Variants in CDH18 observed in about 807,000 individuals in gnomAD.
The protein encoded by CDH18 is cadherin-18.
A neutral mutation model predicts 67.9 loss-of-function variants in CDH18; 31 were observed. The observed-to-expected ratio is 0.46, with a 90% CI of 0.34 to 0.62. The LOEUF is 0.62. Among genes scored for constraint, CDH18 ranks in the 20% least tolerant of loss-of-function variants. The pLI, the probability that CDH18 is intolerant of heterozygous loss-of-function variation, is 0.01. For missense variants in CDH18, 890 were observed against 975.5 expected (o/e 0.91, Z 1.17); for synonymous variants, 362 against 347.2 (o/e 1.04, Z -0.48).
intron 9 of CDH18, among the ~76,000 whole-genome samples, chr5:19,522,484 G>C (rs781239448): frequency 7.2e-5 from 11 of 152,028 alleles, no homozygotes; most frequent in Non-Finnish European, 1.5e-4. Flanking sequence ...CCAGATTGAT[G>C]GTATTTCCAA....
chr5:20,193,996 C>T (rs1738756098), intron 2 of CDH18, among the ~76,000 whole-genome samples: 2 of 152,046 alleles, frequency 1.3e-5, no homozygotes, highest in Non-Finnish European at 2.9e-5. Flanking sequence ...CAATATCATA[C>T]TGAATGAGCA....
chr5:19,867,757 A>G (rs1785726431), intron 2 of CDH18, among the ~76,000 whole-genome samples: 1 of 152,238 alleles, frequency 6.6e-6, no homozygotes, highest in Non-Finnish European at 1.5e-5. Flanking sequence ...GTTTCTAAAT[A>G]CACATTTTGG....
chr5:20,197,771 T>C (rs967217845), intron 2 of CDH18, among the ~76,000 whole-genome samples: 1 of 152,174 alleles, frequency 6.6e-6, no homozygotes, highest in Non-Finnish European at 1.5e-5. Context: ...ACATGTACCA[T>C]TAGAAAAACA....
intron 1 of CDH18, among the ~76,000 whole-genome samples, chr5:20,573,587 GAATACAATTATTAAAAGCAAT>G (rs931137729): frequency 4.0e-5 from 6 of 150,580 alleles, no homozygotes; most frequent in South Asian, 2.1e-4. Flanking sequence ...ATACAATTTT[GAATACAATTATTAAAAGCAAT>G]AATACAATTA....
intron 2 of CDH18, among the ~76,000 whole-genome samples, chr5:20,041,876 C>T (rs1031405198): frequency 2.0e-5 from 3 of 152,152 alleles, no homozygotes; most frequent in African/African-American, 4.8e-5. Flanking sequence ...CAATATCACA[C>T]TTGGTAACAG....
intron 2 of CDH18, among the ~76,000 whole-genome samples, chr5:19,929,006 C>T (rs182672176): frequency 6.6e-6 from 1 of 152,080 alleles, no homozygotes; most frequent in African/African-American, 2.4e-5. Context: ...CGTTTTCATC[C>T]TTAATTACAT....
intron 1 of CDH18, among the ~76,000 whole-genome samples, chr5:20,557,280 G>A (rs535729011): frequency 6.9e-4 from 105 of 152,064 alleles, no homozygotes; most frequent in African/African-American, 1.0e-3. Context: ...CAATAATTGC[G>A]TGGAGAGATC....
rs1761060717 is a variant in CDH18 at position 19,686,133 on chromosome 5, A to G, written c.643+35214T>C. On this transcript the variant is annotated intron_variant, in intron 5 of 12. Transcript: ENST00000382275. Reference sequence around the variant, plus strand: ...ATTTGATATTATTGTTAGTTCTGATATAATGCAAAATATATACAAATTCTT... The same window carrying G: ...ATTTGATATTATTGTTAGTTCTGATGTAATGCAAAATATATACAAATTCTT... Among the ~76,000 whole-genome samples the G allele has an allele frequency of 2.6e-5, 4 of 152,186 alleles. 1 individual carries two copies. Among genetic ancestry groups the G allele is most frequent in the Admixed American group, 2.6e-4 (4 of 15,266 alleles).
At chr5:19,787,687 G>A (rs1272996728) in intron 3 of CDH18, among the ~76,000 whole-genome samples, 1 of 151,396 alleles carries the variant, frequency 6.6e-6, no homozygotes, top group Non-Finnish European at 1.5e-5. Flanking sequence ...AACAAATCAA[G>A]CAAGAAGAGA....
At chr5:19,876,307 G>A (rs149328234) in intron 2 of CDH18, among the ~76,000 whole-genome samples, 143 of 152,196 alleles carry the variant, frequency 9.4e-4, no homozygotes, top group African/African-American at 3.4e-3. Flanking sequence ...ACAGGTGGAA[G>A]ATTCTAGGAG....
At position 19,811,161 on chromosome 5, in the gene CDH18, G is replaced by GAAAGAAAGAAAGAAA. The variant is rs1491122708; in HGVS notation, c.228+27597_228+27598insTTTCTTTCTTTCTTT. Among the ~76,000 whole-genome samples, 156 of 27,604 alleles carry GAAAGAAAGAAAGAAA rather than the reference G, an allele frequency of 5.7e-3. 34 individuals are homozygous for GAAAGAAAGAAAGAAA. The highest frequency in any genetic ancestry group is 0.01 in the South Asian group (11 of 1,098). The allele number at this position is 27,604 out of a possible 152,430, so 18.1% of individuals were successfully genotyped here. ...AAGAAAGAAAGAAAGAAAGAAAGAAGGAGAGAAAGAAAGAGAAGAAAGAGG... is the reference window on the plus strand; with the variant it reads ...AAGAAAGAAAGAAAGAAAGAAAGAAGAAAGAAAGAAAGAAAGAGAGAAAGAAAGAGAAGAAAGAGG... On this transcript the variant is annotated intron_variant, in intron 3 of 12. Transcript: ENST00000382275.
chr5:20,172,194 A>ATATATATATATG lies in CDH18; in HGVS notation c.-518+83249_-518+83250insCATATATATATA, dbSNP rs1736784286. Among the ~76,000 whole-genome samples, 2 of 40,842 alleles carry ATATATATATATG rather than the reference A, an allele frequency of 4.9e-5. 1 individual carries two copies. Among genetic ancestry groups the ATATATATATATG allele is most frequent in the Non-Finnish European group, 8.3e-5 (2 of 24,066 alleles). 26.8% of individuals were successfully genotyped at this position (40,842 alleles called of 152,430 possible). A position where few individuals can be genotyped will look rare whatever the true frequency, so the allele number is the denominator to read the frequency against. ...TTGATATCAATAGCATTGTGTGTAT[A>ATATATATATATG]TATATATATATATATATATATATAT... On this transcript the variant is annotated intron_variant, in intron 2 of 14. Coordinates refer to the CDH18 transcript ENST00000507958.
chr5:20,439,240 C>T (rs1001679036), intron 1 of CDH18, among the ~76,000 whole-genome samples: 1 of 151,610 alleles, frequency 6.6e-6, no homozygotes, highest in Non-Finnish European at 1.5e-5. Context: ...TCAACAGCCT[C>T]ACACAACATA....
intron 2 of CDH18, among the ~76,000 whole-genome samples, chr5:20,160,288 C>A (rs1751875404): frequency 6.6e-6 from 1 of 152,184 alleles, no homozygotes; most frequent in African/African-American, 2.4e-5. Context: ...AGCATTATAT[C>A]TGCCTGAACC....
intron 1 of CDH18, among the ~76,000 whole-genome samples, chr5:20,389,958 C>T (rs1194629559): frequency 1.3e-5 from 2 of 152,076 alleles, no homozygotes; most frequent in African/African-American, 2.4e-5. Flanking sequence ...AAACTGGATC[C>T]CTTCCTTACA....
Position 20,399,650 on chromosome 5 carries a change from T to C in CDH18, c.-579-144145A>G, listed in dbSNP as rs147026280. Among the ~76,000 whole-genome samples the C allele has an allele frequency of 2.7e-3, 418 of 152,350 alleles. 1 individual carries two copies. Among genetic ancestry groups the C allele is most frequent in the Middle Eastern group, 0.014 (4 of 294 alleles). Reference sequence around the variant, plus strand: ...GATATTAAGAGTATAAATAATATCCTAGCATTCAGACATTCAATAAATATT... The same window carrying C: ...GATATTAAGAGTATAAATAATATCCCAGCATTCAGACATTCAATAAATATT... On this transcript the variant is annotated intron_variant, in intron 1 of 14. Transcript: ENST00000507958.
intron 1 of CDH18, among the ~76,000 whole-genome samples, chr5:20,289,964 C>G (rs531264724): frequency 6.2e-4 from 94 of 152,168 alleles, no homozygotes; most frequent in African/African-American, 2.1e-3. Flanking sequence ...CCCACAAAAA[C>G]TGTTGTAATT....
chr5:20,398,775 A>G (rs1745501912), intron 1 of CDH18, among the ~76,000 whole-genome samples: 1 of 151,784 alleles, frequency 6.6e-6, no homozygotes, highest in East Asian at 1.9e-4. Flanking sequence ...GCACACGTAT[A>G]CCTACGTAGA....
chr5:19,870,473 T>C (rs1786132922), intron 2 of CDH18, among the ~76,000 whole-genome samples: 1 of 152,150 alleles, frequency 6.6e-6, no homozygotes, highest in Admixed American at 6.6e-5. Flanking sequence ...GATGTTTAGC[T>C]ATGACTAATT....
Sources: gnomAD v4.1 joint callset for allele counts (sites outside exome capture counted in the v4.1 genomes callset) on GRCh38, gnomAD v4.1.1 for gene constraint, MANE v1.5 for transcripts, NCBI Gene and HGNC (gene_info 2026-07-23, HGNC 2026-07-21) for gene names.